SDCBP2: variants seen among roughly 807,000 people sequenced by gnomAD.
SDCBP2 encodes the protein syntenin-2.
Under a neutral mutation model 30.7 loss-of-function variants are expected in SDCBP2, and 28 were observed. That is an observed-to-expected ratio of 0.91 (90% CI 0.68 to 1.25). The LOEUF is 1.25. Ranked by LOEUF, SDCBP2 falls within the 50% of genes most tolerant of loss-of-function variation. The probability of loss-of-function intolerance (pLI) is 0.00; values close to 1 mark genes in which losing one functional copy is unlikely to be tolerated. For missense variants in SDCBP2, 399 were observed against 379.0 expected (o/e 1.05, Z -0.44); for synonymous variants, 166 against 157.3 (o/e 1.06, Z -0.41).
In SDCBP2 at chr20:1,320,653, A is replaced by G. The variant is rs1240213236; in HGVS notation, c.-19-218T>C. 2.4e-6 allele frequency: 1 copy of G among 419,598 alleles called. No homozygotes were observed. The highest frequency in any genetic ancestry group is 2.0e-5 in the African/African-American group (1 of 50,182). The allele number at this position is 419,598 out of a possible 1,614,324, so 26.0% of individuals were successfully genotyped here. A position where few individuals can be genotyped will look rare whatever the true frequency, so the allele number is the denominator to read the frequency against. Reference sequence around the variant, plus strand: ...TCTCCAGCCTCACTGTCAACTTTTAATCTTGGCCACAATGAAGTAAGACCA... The same window carrying G: ...TCTCCAGCCTCACTGTCAACTTTTAGTCTTGGCCACAATGAAGTAAGACCA... On this transcript the variant is annotated intron_variant, in intron 1 of 8. Transcript: ENST00000360779. The surrounding 1 kb of genome is among the most constrained non-coding windows in gnomAD (Gnocchi z 4.7).
intron 2 of SDCBP2, 110 bp from the exon 3 acceptor site, chr20:1,319,769 G>A (rs944739534): frequency 2.4e-6 from 2 of 849,640 alleles, no homozygotes; most frequent in Non-Finnish European, 3.6e-6. Flanking sequence ...AGTGGGCCCG[G>A]GGTGTGGGGG....
chr20:1,316,730 G>T (rs537800137), intron 4 of SDCBP2, among the ~76,000 whole-genome samples: 2 of 152,244 alleles, frequency 1.3e-5, no homozygotes, highest in East Asian at 3.9e-4. Context: ...TTGTCATACA[G>T]CCTAGCAATT....
chr20:1,310,994 C>G (rs983363182), intron 7 of SDCBP2, 103 bp from the exon 8 acceptor site: 2 of 779,546 alleles, frequency 2.6e-6, no homozygotes, highest in Non-Finnish European at 4.1e-6. Context: ...CTAGAGGACA[C>G]CACTGATGGC....
intron 1 of SDCBP2, chr20:1,325,855 T>A (rs990152069): frequency 1.3e-5 from 2 of 152,224 alleles, no homozygotes; most frequent in African/African-American, 4.8e-5. Context: ...CCGTGACTTC[T>A]GACCCAGTGT....
At chr20:1,326,703 C>CT (rs1329323657) in intron 1 of SDCBP2, among the ~76,000 whole-genome samples, 3 of 152,344 alleles carry the variant, frequency 2.0e-5, no homozygotes, top group Non-Finnish European at 4.4e-5. Flanking sequence ...TAATCACCTA[C>CT]TATGAGCAAG....
Position 1,312,675 on chromosome 20 carries a change from G to A in SDCBP2, c.472C>T (p.Arg158Cys), listed in dbSNP as rs757998845. ...FGDQLLQIDGRDCAGWSSHKA... is the reference protein window; with the variant it reads ...FGDQLLQIDGCDCAGWSSHKA... ...TGCGAGCTCCACCCAGCACAGTCAC[G>A]CCCGTCAATCTGCAGGAGCTGGTCC... The change falls in exon 6 of 9, where the codon CGT becomes TGT. Residue 158 changes from arginine to cysteine, a missense_variant. Physicochemically the swap from Arg to Cys is radical, Grantham distance 180. Coordinates refer to ENST00000360779, the MANE Select transcript of SDCBP2 (RefSeq NM_080489.5). 23 of 1,613,948 alleles carry A rather than the reference G, an allele frequency of 1.4e-5. No individual in the cohort carries two copies. The highest frequency in any genetic ancestry group is 2.2e-5 in the East Asian group (1 of 44,878).
intron 1 of SDCBP2, chr20:1,325,710 G>A (rs2088914511): frequency 6.6e-6 from 1 of 152,074 alleles, no homozygotes; most frequent in South Asian, 2.1e-4. Flanking sequence ...GGGAAGGGAG[G>A]AGAACCAGGT....
chr20:1,315,553 C>CA (rs1255855135), intron 4 of SDCBP2, among the ~76,000 whole-genome samples: 2 of 151,920 alleles, frequency 1.3e-5, no homozygotes, highest in African/African-American at 4.8e-5. Flanking sequence ...AACAAAACAA[C>CA]AAAAAAAGCA....
chr20:1,325,136 G>A (rs1045802510), intron 1 of SDCBP2, among the ~76,000 whole-genome samples: 1 of 152,104 alleles, frequency 6.6e-6, no homozygotes, highest in East Asian at 1.9e-4. Flanking sequence ...CGCGCCACAG[G>A]AGCGAGGTCC....
At chr20:1,322,629 T>C (rs531230960) in intron 1 of SDCBP2, 6 of 152,210 alleles carry the variant, frequency 3.9e-5, no homozygotes, top group African/African-American at 1.2e-4. Flanking sequence ...TGGAGTACAG[T>C]GGCGCGATCT....
In SDCBP2 at chr20:1,313,431, C is replaced by CG; in HGVS notation, c.292dup (p.Arg98ProfsTer4). On this transcript the variant is annotated frameshift_variant, in exon 5 of 9. Coordinates refer to ENST00000360779, the MANE Select transcript of SDCBP2 (RefSeq NM_080489.5). LOFTEE classifies it high-confidence loss of function. This position sits in a 1 kb window ranked among gnomAD's most constrained non-coding sequence, Gnocchi z 5.2. ...CACCCCGGGCTTGATCTCAGCTCGC[C>CG]GCACGCCCAGGCTGTACCCGGTTAC... The CG allele has an allele frequency of 6.2e-7, 1 of 1,603,870 alleles. No individual in the cohort carries two copies. Among genetic ancestry groups the CG allele is most frequent in the Non-Finnish European group, 8.5e-7 (1 of 1,176,676 alleles).
intron 1 of SDCBP2, among the ~76,000 whole-genome samples, chr20:1,325,096 TAGG>T (rs1181599568): frequency 3.3e-5 from 5 of 152,120 alleles, no homozygotes; most frequent in Middle Eastern, 3.4e-3. Flanking sequence ...CTTTGGGAAA[TAGG>T]AGCCACAAGC....
At chr20:1,316,354 C>T (rs551300139) in intron 4 of SDCBP2, among the ~76,000 whole-genome samples, 3 of 152,228 alleles carry the variant, frequency 2.0e-5, no homozygotes, top group East Asian at 1.9e-4. Context: ...GTATTGCTCA[C>T]GGCAAAATAA....
At position 1,312,763 on chromosome 20, in the gene SDCBP2, C is replaced by A; in HGVS notation, c.385-1G>T. 6.2e-7 allele frequency: 1 copy of A among 1,608,038 alleles called. No homozygotes were observed. Among genetic ancestry groups the A allele is most frequent in the Non-Finnish European group, 8.5e-7 (1 of 1,177,026 alleles). On this transcript the variant is annotated splice_acceptor_variant, in intron 5 of 8. Coordinates refer to ENST00000360779, the MANE Select transcript of SDCBP2 (RefSeq NM_080489.5). LOFTEE classifies it high-confidence loss of function. ...CCTGGACCAACTGCACAAAGAGCCC[C>A]TGGGGGAGGCAGGGCCCCAGAGTCA... is the stretch of plus-strand genomic sequence containing the variant.
At chr20:1,326,483 T>A (rs1303971230) in intron 1 of SDCBP2, among the ~76,000 whole-genome samples, 2 of 152,248 alleles carry the variant, frequency 1.3e-5, no homozygotes, top group Non-Finnish European at 2.9e-5. Context: ...AAAGTCAGCC[T>A]GCTAGTTCAT....
In SDCBP2 at chr20:1,312,577, G is replaced by A; in HGVS notation, c.560+10C>T. ...TGAGACGGAGAGGCTGCCCGGGCCT[G>A]GCTACTCACCTGTCCCGAACCACCA... On this transcript the variant is annotated intron_variant, in intron 6 of 8. Transcript: ENST00000360779. The A allele has an allele frequency of 6.2e-7, 1 of 1,613,420 alleles. No individual in the cohort carries two copies. The highest frequency in any genetic ancestry group is 1.7e-4 in the Middle Eastern group (1 of 6,056).
chr20:1,319,623 G>A lies in SDCBP2; in HGVS notation c.91C>T (p.Pro31Ser). Residue 31 changes from proline (P) to serine (S), a missense_variant, in exon 3 of 9, where the codon CCA becomes TCA. Coordinates refer to ENST00000360779, the MANE Select transcript of SDCBP2 (RefSeq NM_080489.5). ...VRASPKMPAL[P>S]VQATAISPPP... is the part of the protein sequence containing the mutation. ...GGGGAAATGGCTGTTGCCTGGACTG[G>A]CAGGGCTGGCATCTTGGGTGAGGCT... 6.4e-7 allele frequency: 1 copy of A among 1,572,122 alleles called. No homozygotes were observed. The highest frequency in any genetic ancestry group is 8.6e-7 in the Non-Finnish European group (1 of 1,158,132).
Position 1,320,692 on chromosome 20 carries a change from A to G in SDCBP2, c.-19-257T>C, listed in dbSNP as rs938575878. On this transcript the variant is annotated intron_variant, in intron 1 of 8. Coordinates refer to ENST00000360779, the MANE Select transcript of SDCBP2 (RefSeq NM_080489.5). The surrounding 1 kb of genome is among the most constrained non-coding windows in gnomAD (Gnocchi z 4.7). ...GAAGTAAGACCAGTAGGAAATTTATAAAGACTCTCACACAAACTGTAGCAG... is the reference window on the plus strand; with the variant it reads ...GAAGTAAGACCAGTAGGAAATTTATGAAGACTCTCACACAAACTGTAGCAG... 1.8e-5 allele frequency: 6 copies of G among 334,060 alleles called. No individual in the cohort carries two copies. The highest frequency in any genetic ancestry group is 1.8e-4 in the Admixed American group (4 of 22,444). 20.7% of individuals were successfully genotyped at this position (334,060 alleles called of 1,614,324 possible).
chr20:1,311,847 A>G (rs2088674778), intron 7 of SDCBP2, among the ~76,000 whole-genome samples: 1 of 151,452 alleles, frequency 6.6e-6, no homozygotes, highest in Admixed American at 6.6e-5. Context: ...GCTATTATGT[A>G]TTAAGCACCT....
Sources: allele counts gnomAD v4.1 joint callset (sites outside exome capture counted in the v4.1 genomes callset), GRCh38; gene constraint gnomAD v4.1.1; non-coding constraint Gnocchi (gnomAD v3.1); transcripts MANE v1.5; gene names NCBI Gene and HGNC (gene_info 2026-07-23, HGNC 2026-07-21).